The following PCSK7 variants were observed in gnomAD, a reference collection of about 807,000 sequenced individuals.
PCSK7 encodes lymphoma proprotein convertase.
PCSK7 carries 38 observed loss-of-function variants against 73.3 expected under a neutral mutation model. The observed-to-expected ratio is 0.52, with a 90% CI of 0.40 to 0.68. The LOEUF is 0.68. PCSK7 is among the 30% of genes least tolerant of loss of function. The probability of loss-of-function intolerance (pLI) is 0.00; values close to 1 mark genes in which losing one functional copy is unlikely to be tolerated. For synonymous variants in PCSK7, 296 were observed against 383.8 expected (o/e 0.77, Z 2.68); for missense variants, 692 against 991.5 (o/e 0.70, Z 4.06).
chr11:117,223,854 G>A (rs1418624744), intron 8 of PCSK7: 1 of 550,212 alleles, frequency 1.8e-6, no homozygotes, highest in Non-Finnish European at 3.3e-6. Flanking sequence ...GTGGTGGGGT[G>A]GAGGCAGCTC....
chr11:117,219,568 T>C (rs757031735), intron 10 of PCSK7, 23 bp downstream of exon 10: 2 of 1,609,194 alleles, frequency 1.2e-6, no homozygotes, highest in South Asian at 2.2e-5. Context: ...GCCAGGCCAC[T>C]TGTCTACCTG....
intron 12 of PCSK7, chr11:117,213,976 T>TTTTTTG (rs36106425): frequency 0.1 from 13,314 of 129,022 alleles, 900 homozygotes; most frequent in African/African-American, 0.12. Flanking sequence ...TTTTTTTTTT[T>TTTTTTG]AGACGGAGTC....
Position 117,225,943 on chromosome 11 carries a change from A to T in PCSK7, c.848T>A (p.Ile283Asn). 1.2e-6 allele frequency: 2 copies of T among 1,603,312 alleles called. No individual in the cohort carries two copies. Among genetic ancestry groups the T allele is most frequent in the Non-Finnish European group, 1.7e-6 (2 of 1,170,254 alleles). Residue 283 changes from isoleucine (I) to asparagine (N), a missense_variant, in exon 6 of 17, where the codon ATC becomes AAC. Transcript: ENST00000320934. Reference protein sequence around the residue: ...AFNKHYQINDIYSCSWGPDDD... With the variant: ...AFNKHYQINDNYSCSWGPDDD... ...AGCTCTGCCTCACCTGCAGCTGTAG[A>T]TGTCATTGATCTGATAGTGCTTGTT...
chr11:117,224,613 TG>T, intron 7 of PCSK7, 87 bp downstream of exon 7: 2 of 1,045,186 alleles, frequency 1.9e-6, no homozygotes, highest in Non-Finnish European at 3.0e-6. Context: ...GGAGGTGGAG[TG>T]GGAAGATGGG....
rs3213458 is a variant in PCSK7 at position 117,223,304 on chromosome 11, A to G, written c.1059T>C (p.Ala353=). ...ANSIYTVTIG[A]VDEEGRMPFY... is the part of the protein sequence containing the mutation. ...AAGGCATGCGTCCCTCCTCATCCAC[A>G]GCTCCTAGGGACAGAGGAGGGAGAT... Residue 353 remains alanine, a synonymous_variant, in exon 9 of 17, where the codon GCT becomes GCC. Transcript: ENST00000320934. The G allele has an allele frequency of 7.6e-4, 1,214 of 1,597,808 alleles. 19 individuals are homozygous for G. The East Asian group carries it at 0.02, about 26-fold the overall frequency.
At position 117,224,740 on chromosome 11, in the gene PCSK7, G is replaced by T. The variant is rs61729980; in HGVS notation, c.876C>A (p.Asp292Glu). 3 of 1,613,276 alleles carry T rather than the reference G, an allele frequency of 1.9e-6. No individual in the cohort carries two copies. The highest frequency in any genetic ancestry group is 1.3e-5 in the African/African-American group (1 of 75,004). The change falls in exon 7 of 17, where the codon GAC (aspartate) becomes GAA (glutamate). Residue 292 changes from aspartate to glutamate, a missense_variant. Physicochemically the swap from Asp to Glu is conservative, Grantham distance 45 (BLOSUM62 2). Coordinates refer to ENST00000320934, the MANE Select transcript of PCSK7 (RefSeq NM_004716.4). Reference protein sequence around the residue: ...DIYSCSWGPDDDGKTVDGPHQ... With the variant: ...DIYSCSWGPDEDGKTVDGPHQ... ...GGGGGCCATCCACTGTCTTCCCATC[G>T]TCATCTGGTCCCCAGCTGTTGAGAA...
rs559166731 is a variant in PCSK7 at position 117,204,419 on chromosome 11, G to A, written c.*1578C>T. The A allele has an allele frequency of 1.5e-5, 24 of 1,610,202 alleles. No individual in the cohort carries two copies. Among genetic ancestry groups the A allele is most frequent in the African/African-American group, 5.3e-5 (4 of 74,976 alleles). ...CCAGCTCCTTGGCTGCAGCCATCCC[G>A]CTTAGCCTGCCTCACCCACACCCGT... On this transcript the variant is annotated 3_prime_UTR_variant, in exon 17 of 17. Transcript: ENST00000320934.
rs2032408881 is a variant in PCSK7 at position 117,225,968 on chromosome 11, T to A, written c.823A>T (p.Asn275Tyr). The change falls in exon 6 of 17, where the codon AAC becomes TAC. Residue 275 changes from asparagine to tyrosine, a missense_variant. Around this residue, in one of 6 missense-constraint regions of PCSK7, gnomAD observed 574 missense variants for 689.8 expected, o/e 0.83. Transcript: ENST00000320934. ...ATGTCATTGATCTGATAGTGCTTGT[T>A]GAACGCCACTGCCTCCATGCTGTCT... ...LTDSMEAVAF[N>Y]KHYQINDIYS... 6.2e-7 allele frequency: 1 copy of A among 1,612,518 alleles called. No individual in the cohort carries two copies. The highest frequency in any genetic ancestry group is 8.5e-7 in the Non-Finnish European group (1 of 1,178,536).
chr11:117,219,279 G>T, intron 10 of PCSK7, 115 bp from the exon 11 acceptor site: 1 of 756,914 alleles, frequency 1.3e-6, no homozygotes, highest in Non-Finnish European at 2.2e-6. Context: ...CTCCCACTAT[G>T]GCTACTGGGA....
rs995749719 is a variant in PCSK7 at position 117,205,329 on chromosome 11, G to A, written c.*668C>T. On this transcript the variant is annotated 3_prime_UTR_variant, in exon 17 of 17. Coordinates refer to ENST00000320934, the MANE Select transcript of PCSK7 (RefSeq NM_004716.4). ...GGACTGGAGTGGCAGTGGCTCCCAA[G>A]GCTCTCTCCTCCAACATGTGCATCT... The A allele has an allele frequency of 8.6e-6, 2 of 233,472 alleles. No homozygotes were observed. Among genetic ancestry groups the A allele is most frequent in the African/African-American group, 4.4e-5 (2 of 45,348 alleles). The allele number at this position is 233,472 out of a possible 1,614,324, so 14.5% of individuals were successfully genotyped here. A position where few individuals can be genotyped will look rare whatever the true frequency, so the allele number is the denominator to read the frequency against.
At chr11:117,224,926 C>G in intron 6 of PCSK7, 171 bp from the exon 7 acceptor site, 1 of 630,468 alleles carries the variant, frequency 1.6e-6, no homozygotes, top group Non-Finnish European at 2.9e-6. Flanking sequence ...AGGTCCATCC[C>G]CTCTCCAAAG....
At chr11:117,223,087 G>C in intron 9 of PCSK7, 121 bp downstream of exon 9, 1 of 717,548 alleles carries the variant, frequency 1.4e-6, no homozygotes, top group South Asian at 1.6e-5. Flanking sequence ...CAGCTCTGTG[G>C]GGGAAGAGGA....
At chr11:117,215,253 T>A (rs1226804917) in intron 12 of PCSK7, 1 of 151,496 alleles carries the variant, frequency 6.6e-6, no homozygotes, top group Admixed American at 6.6e-5. Flanking sequence ...TGGAGTGCAA[T>A]GGCACAATCT....
chr11:117,225,734 T>A (rs2032396059), intron 6 of PCSK7, 197 bp downstream of exon 6: 1 of 610,808 alleles, frequency 1.6e-6, no homozygotes, highest in Non-Finnish European at 2.9e-6. Flanking sequence ...GGCAATCTGA[T>A]TACGGGGGTG....
chr11:117,219,084 G>A lies in PCSK7; in HGVS notation c.1404C>T (p.Asn468=), dbSNP rs564037984. 4.5e-5 allele frequency: 72 copies of A among 1,609,948 alleles called. No individual in the cohort carries two copies. The highest frequency in any genetic ancestry group is 1.2e-4 in the Admixed American group (7 of 60,012). The part of the protein sequence containing the change: ...HSHQHGFGLL[N]AWRLVNAAKI... The stretch of plus-strand genomic sequence containing the variant: ...TGGCTGCATTCACGAGCCTCCAGGC[G>A]TTGAGGAGGCCGAAACCGTGCTGGT... The change falls in exon 11 of 17, where the codon AAC becomes AAT. Residue 468 remains asparagine (N), a synonymous_variant. Transcript: ENST00000320934.
At chr11:117,207,493 A>AGGAT (rs2031484836) in intron 14 of PCSK7, 1 of 353,398 alleles carries the variant, frequency 2.8e-6, no homozygotes, top group African/African-American at 2.2e-5. Flanking sequence ...AACTGACTGG[A>AGGAT]GGATGGGAGG....
At chr11:117,224,993 A>C in intron 6 of PCSK7, 1 of 490,842 alleles carries the variant, frequency 2.0e-6, no homozygotes, top group Non-Finnish European at 3.7e-6. Flanking sequence ...CCCATAGCCC[A>C]TAGTGGCAGA....
rs1292404349 is a variant in PCSK7 at position 117,229,504 on chromosome 11, C to A, written c.341G>T (p.Arg114Leu). ...HRPALEVEAI[R>L]QQVEAVLAGH... ...AGCCAACACAGCCTCCACCTGCTGC[C>A]GGATGGCCTCCACCTCCAGGGCCGG... Residue 114 changes from arginine to leucine, a missense_variant, in exon 3 of 17, where the codon CGG becomes CTG. By Grantham distance (102) the Arg-to-Leu change is moderately radical. This residue lies in a region of PCSK7 where 574 missense variants were observed against 689.8 expected (regional missense o/e 0.83). Coordinates refer to ENST00000320934, the MANE Select transcript of PCSK7 (RefSeq NM_004716.4). 1 of 1,612,596 alleles carries A rather than the reference C, an allele frequency of 6.2e-7. No individual in the cohort carries two copies. The highest frequency in any genetic ancestry group is 1.7e-5 in the Admixed American group (1 of 60,034).
At chr11:117,212,103 T>A (rs975906224) in intron 12 of PCSK7, 3 of 152,230 alleles carry the variant, frequency 2.0e-5, no homozygotes, top group Non-Finnish European at 4.4e-5. Flanking sequence ...ATGCATGAAT[T>A]TAAATGTAAG....
Sources: gnomAD v4.1 joint callset for allele counts on GRCh38, gnomAD v4.1.1 for gene constraint, gnomAD v4.1.1 regional missense constraint, MANE v1.5 for transcripts, NCBI Gene and HGNC (gene_info 2026-07-23, HGNC 2026-07-21) for gene names.